Variants in PRKCB observed in about 807,000 individuals in gnomAD.
PRKCB encodes the protein protein kinase C beta type.
Under a neutral mutation model 81.5 loss-of-function variants are expected in PRKCB, and 13 were observed. That is an observed-to-expected ratio of 0.16 (90% CI 0.10 to 0.25). The LOEUF is 0.25. Ranked by LOEUF, PRKCB falls within the 10% of genes least tolerant of loss-of-function variation. PRKCB has a pLI of 1.00. For synonymous variants in PRKCB, 335 were observed against 321.4 expected, an observed-to-expected ratio of 1.04 and a Z score of -0.45; for missense variants, 509 against 875.7, an observed-to-expected ratio of 0.58 and a Z score of 5.29.
At chr16:23,896,763 T>C (rs1413680493) in intron 2 of PRKCB, among the ~76,000 whole-genome samples, 3 of 152,190 alleles carry the variant, frequency 2.0e-5, no homozygotes, top group Non-Finnish European at 4.4e-5. Context: ...TACTCAACAA[T>C]TAGCTTTTGA....
rs187110195 is a variant in PRKCB, at chr16:24,158,952, C to T, written c.1239+4095C>T. ...CTGGGATTACAAGTATGAGCCACCA[C>T]ACCCAGCCTGAAGTCTTTTGAGTGT... On this transcript the variant is annotated intron_variant, in intron 10 of 16. Transcript: ENST00000643927. Among the ~76,000 whole-genome samples the T allele has an allele frequency of 1.1e-4, 16 of 152,274 alleles. No individual in the cohort carries two copies. In the East Asian group the frequency reaches 2.7e-3, roughly 26 times the overall value.
intron 15 of PRKCB, among the ~76,000 whole-genome samples, chr16:24,188,612 C>T (rs1454968725): frequency 6.6e-6 from 1 of 151,968 alleles, no homozygotes; most frequent in African/African-American, 2.4e-5. Context: ...ATTAGTAAAA[C>T]CTTACTCAGA....
At position 24,215,003 on chromosome 16, in the gene PRKCB, C is replaced by G; in HGVS notation, c.*187C>G. 1.4e-6 allele frequency: 2 copies of G among 1,397,290 alleles called. No homozygotes were observed. The highest frequency in any genetic ancestry group is 1.9e-6 in the Non-Finnish European group (2 of 1,077,990). The allele number at this position is 1,397,290 out of a possible 1,614,324, so 86.6% of individuals were successfully genotyped here. On this transcript the variant is annotated 3_prime_UTR_variant, in exon 17 of 17. Coordinates refer to ENST00000643927, the MANE Select transcript of PRKCB (RefSeq NM_002738.7). ...AGCATCTCTATGAGATGGGATTATG[C>G]AGATGGCCTATGGAAAATGCAGCTG...
intron 2 of PRKCB, among the ~76,000 whole-genome samples, chr16:23,860,976 G>T (rs1375645148): frequency 6.6e-6 from 1 of 152,086 alleles, no homozygotes; most frequent in African/African-American, 2.4e-5. Context: ...GTGCTATCAT[G>T]TCCTAAACAT....
intron 2 of PRKCB, among the ~76,000 whole-genome samples, chr16:23,880,214 C>T (rs143083481): frequency 1.8e-4 from 27 of 152,230 alleles, no homozygotes; most frequent in African/African-American, 6.5e-4. Context: ...CTCTTGTGCT[C>T]ACACAGATGA....
intron 5 of PRKCB, among the ~76,000 whole-genome samples, chr16:24,063,128 C>T (rs1308637018): frequency 6.6e-6 from 1 of 152,026 alleles, no homozygotes; most frequent in African/African-American, 2.4e-5. Flanking sequence ...TTGGCCTCTT[C>T]AGGCCTAGGG....
At chr16:23,896,492 C>T (rs1192092831) in intron 2 of PRKCB, among the ~76,000 whole-genome samples, 1 of 152,000 alleles carries the variant, frequency 6.6e-6, no homozygotes, top group Non-Finnish European at 1.5e-5. Flanking sequence ...AAATAGATGA[C>T]AAATTAAAGC....
intron 10 of PRKCB, among the ~76,000 whole-genome samples, chr16:24,161,207 G>A (rs73550963): frequency 0.015 from 2,266 of 152,204 alleles, 47 homozygotes; most frequent in African/African-American, 0.052. Flanking sequence ...ATTTTTAAAT[G>A]ATGTAAATTC....
In PRKCB at chr16:24,141,275, A is replaced by G. The variant is rs113448902; in HGVS notation, c.1066-13409A>G. 7.2e-3 allele frequency among the ~76,000 whole-genome samples: 1,085 copies of G among 151,144 alleles called. 9 individuals are homozygous for G. The highest frequency in any genetic ancestry group is 0.025 in the African/African-American group (1,012 of 41,138). On this transcript the variant is annotated intron_variant, in intron 9 of 16. Coordinates refer to ENST00000643927, the MANE Select transcript of PRKCB (RefSeq NM_002738.7). ...AGAGGTGAGATCTCGGGTCACTGCA[A>G]CGTCCACCTCCCAGGTTCAAGTGAT...
chr16:23,911,132 T>TTTTTTTTTTTG (rs1963647018), intron 2 of PRKCB, among the ~76,000 whole-genome samples: 1 of 96,504 alleles, frequency 1.0e-5, no homozygotes, highest in Non-Finnish European at 2.1e-5. Context: ...TATATGCTTT[T>TTTTTTTTTTTG]TTTTTTTTTT....
intron 5 of PRKCB, among the ~76,000 whole-genome samples, chr16:24,084,216 A>G (rs1055724221): frequency 5.9e-5 from 9 of 152,200 alleles, no homozygotes; most frequent in Non-Finnish European, 8.8e-5. Context: ...TGGGTAAATG[A>G]GTATCAGATA....
intron 9 of PRKCB, among the ~76,000 whole-genome samples, chr16:24,128,134 T>C (rs1178319615): frequency 6.6e-6 from 1 of 151,966 alleles, no homozygotes; most frequent in Non-Finnish European, 1.5e-5. Flanking sequence ...CCCAGCACTT[T>C]GGGAGGCCAA....
chr16:24,163,271 A>G (rs1967292533), intron 10 of PRKCB, among the ~76,000 whole-genome samples: 1 of 152,236 alleles, frequency 6.6e-6, no homozygotes, highest in Non-Finnish European at 1.5e-5. Context: ...ACTGGATTCA[A>G]GCAGGACATA....
intron 9 of PRKCB, among the ~76,000 whole-genome samples, chr16:24,153,438 C>T (rs765810393): frequency 1.3e-5 from 2 of 152,172 alleles, no homozygotes; most frequent in African/African-American, 2.4e-5. Context: ...TTGTTGCCTG[C>T]AAAATATCTG....
chr16:24,097,436 C>T (rs909657331), intron 7 of PRKCB, among the ~76,000 whole-genome samples: 7 of 152,082 alleles, frequency 4.6e-5, no homozygotes, highest in African/African-American at 1.4e-4. Context: ...TGGAGCTTAG[C>T]TTATGGCAGA....
chr16:23,886,210 A>G (rs1047914965), intron 2 of PRKCB, among the ~76,000 whole-genome samples: 3 of 152,104 alleles, frequency 2.0e-5, no homozygotes, highest in Admixed American at 2.0e-4. Context: ...GGCTGTGCTA[A>G]GAAAGTTTCC....
chr16:23,922,182 T>G (rs994674390), intron 2 of PRKCB, among the ~76,000 whole-genome samples: 2 of 152,228 alleles, frequency 1.3e-5, no homozygotes, highest in Non-Finnish European at 2.9e-5. Context: ...GTAAAAGAGT[T>G]GTAGACTCAA....
At chr16:24,150,460 T>A (rs1056895542) in intron 9 of PRKCB, among the ~76,000 whole-genome samples, 1 of 152,226 alleles carries the variant, frequency 6.6e-6, no homozygotes, top group Non-Finnish European at 1.5e-5. Context: ...GGAATCCGAT[T>A]GGCTTGGCTC....
chr16:24,202,035 CAAA>C (rs72304458), intron 16 of PRKCB, among the ~76,000 whole-genome samples: 10 of 117,988 alleles, frequency 8.5e-5, no homozygotes, highest in Non-Finnish European at 9.2e-5. Context: ...GACTCCGTCT[CAAA>C]AAAAAAAAAA....
Sources: allele counts gnomAD v4.1 joint callset (sites outside exome capture counted in the v4.1 genomes callset), GRCh38; gene constraint gnomAD v4.1.1; transcripts MANE v1.5; gene names NCBI Gene and HGNC (gene_info 2026-07-23, HGNC 2026-07-21).